AP2B1: variants seen among roughly 807,000 people sequenced by gnomAD.
AP2B1 encodes adaptor related protein complex 2 subunit beta 1, also known as AP-2 complex subunit beta.
In AP2B1, 23 loss-of-function variants were observed where a neutral mutation model predicts 102.0. That is an observed-to-expected ratio of 0.23 (90% CI 0.16 to 0.32). The LOEUF is 0.32. Ranked by LOEUF, AP2B1 falls within the 10% of genes least tolerant of loss-of-function variation. AP2B1 has a pLI of 1.00. For missense variants in AP2B1, 541 were observed against 1,157.4 expected, an observed-to-expected ratio of 0.47 and a Z score of 7.73; for synonymous variants, 381 against 421.2, an observed-to-expected ratio of 0.90 and a Z score of 1.17.
At chr17:35,675,808 A>G (rs749452713) in intron 17 of AP2B1, among the ~76,000 whole-genome samples, 8 of 151,408 alleles carry the variant, frequency 5.3e-5, no homozygotes, top group South Asian at 2.1e-4. Flanking sequence ...TATCTTTTAT[A>G]TACTGTTTTT....
intron 14 of AP2B1, chr17:35,659,786 A>G: frequency 1.0e-6 from 1 of 985,230 alleles, no homozygotes; most frequent in Non-Finnish European, 1.2e-6. Context: ...TTTACAGTGC[A>G]GTTTTCTTCA....
intron 2 of AP2B1, chr17:35,597,132 G>C: frequency 2.0e-6 from 1 of 503,322 alleles, no homozygotes; most frequent in Non-Finnish European, 3.6e-6. Context: ...AGCGGAGACT[G>C]TCCCCACTGT....
chr17:35,702,863 A>T (rs587762934), intron 18 of AP2B1, among the ~76,000 whole-genome samples: 39 of 152,330 alleles, frequency 2.6e-4, no homozygotes, highest in African/African-American at 8.4e-4. Context: ...TATTAAAAAA[A>T]TTTTTGAAAA....
chr17:35,650,132 T>A (rs1473752316), intron 12 of AP2B1, among the ~76,000 whole-genome samples: 1 of 152,108 alleles, frequency 6.6e-6, no homozygotes, highest in African/African-American at 2.4e-5. Flanking sequence ...GTATTTTTAG[T>A]AGAGGTGGGG....
At chr17:35,597,717 G>A (rs1013815242) in intron 2 of AP2B1, among the ~76,000 whole-genome samples, 5 of 152,280 alleles carry the variant, frequency 3.3e-5, no homozygotes, top group African/African-American at 1.2e-4. Context: ...TAATATTAGT[G>A]TGTGGCCAGG....
At chr17:35,707,540 C>T (rs2076369202) in intron 18 of AP2B1, among the ~76,000 whole-genome samples, 1 of 151,340 alleles carries the variant, frequency 6.6e-6, no homozygotes, top group African/African-American at 2.4e-5. Context: ...GCAGCCTCCA[C>T]CTCCCAAGTT....
intron 16 of AP2B1, among the ~76,000 whole-genome samples, chr17:35,672,742 A>G (rs1265979951): frequency 1.3e-5 from 2 of 152,254 alleles, no homozygotes; most frequent in Non-Finnish European, 2.9e-5. Flanking sequence ...TATTATCTTC[A>G]GACTTTTAAT....
Position 35,724,902 on chromosome 17 carries a change from G to A in AP2B1, c.*1203G>A, listed in dbSNP as rs1440052542. Reference sequence around the variant, plus strand: ...CAGCTGAATATCTTTTGAATTACTCGAAGGTAAAGCCAGATGCCAGAATGA... The same window carrying A: ...CAGCTGAATATCTTTTGAATTACTCAAAGGTAAAGCCAGATGCCAGAATGA... On this transcript the variant is annotated 3_prime_UTR_variant, in exon 22 of 22. Coordinates refer to ENST00000610402, the MANE Select transcript of AP2B1 (RefSeq NM_001030006.2). 7.9e-5 allele frequency: 12 copies of A among 152,126 alleles called. No homozygotes were observed. The highest frequency in any genetic ancestry group is 7.9e-4 in the Admixed American group (12 of 15,268). 9.4% of individuals were successfully genotyped at this position (152,126 alleles called of 1,614,324 possible). A position where few individuals can be genotyped will look rare whatever the true frequency, so the allele number is the denominator to read the frequency against.
At chr17:35,588,896 C>G (rs2072992506) in intron 1 of AP2B1, among the ~76,000 whole-genome samples, 1 of 152,174 alleles carries the variant, frequency 6.6e-6, no homozygotes, top group African/African-American at 2.4e-5. Flanking sequence ...TTCTTTCATT[C>G]TTTCTTTCCT....
rs78913746 is a variant in AP2B1, at chr17:35,699,398, A to T, written c.2455-9826A>T. On this transcript the variant is annotated intron_variant, in intron 18 of 21. Transcript: ENST00000610402. Reference sequence around the variant, plus strand: ...ACTGTTCACATACTCTTAACGAACAATGTCCTAATGTCTCCTGAGAATAAA... The same window carrying T: ...ACTGTTCACATACTCTTAACGAACATTGTCCTAATGTCTCCTGAGAATAAA... Among the ~76,000 whole-genome samples, 15 of 152,338 alleles carry T rather than the reference A, an allele frequency of 9.8e-5. No individual in the cohort carries two copies. The East Asian group carries it at 2.9e-3, about 29-fold the overall frequency.
intron 5 of AP2B1, among the ~76,000 whole-genome samples, chr17:35,616,567 T>C (rs1184259435): frequency 6.6e-6 from 1 of 152,240 alleles, no homozygotes; most frequent in Admixed American, 6.5e-5. Flanking sequence ...TTTCACCTAA[T>C]GTTAACATCT....
chr17:35,614,946 G>C (rs540389964), intron 5 of AP2B1, among the ~76,000 whole-genome samples: 196 of 152,268 alleles, frequency 1.3e-3, no homozygotes, highest in Non-Finnish European at 2.4e-3. Context: ...CTCTCCAGAG[G>C]ACATTTGGCA....
rs993914036 is a variant in AP2B1, at chr17:35,671,022, A to G, written c.2031+124A>G. The G allele has an allele frequency of 4.3e-5, 41 of 945,128 alleles. No individual in the cohort carries two copies. In the African/African-American group the frequency reaches 5.9e-4, roughly 14 times the overall value. 58.5% of individuals were successfully genotyped at this position (945,128 alleles called of 1,614,324 possible). A position where few individuals can be genotyped will look rare whatever the true frequency, so the allele number is the denominator to read the frequency against. On this transcript the variant is annotated intron_variant, in intron 15 of 21. Transcript: ENST00000610402. ...CACTGCACACCAAAACCTCTATAAC[A>G]GTATATGGGTAGTAGAAAGTAGTAT...
chr17:35,690,766 C>G (rs990475295), intron 18 of AP2B1, among the ~76,000 whole-genome samples: 3 of 152,104 alleles, frequency 2.0e-5, no homozygotes, highest in Admixed American at 6.6e-5. Context: ...TTGTTAGTAT[C>G]TCTATGAATT....
At chr17:35,626,098 C>T (rs1037255506) in intron 6 of AP2B1, among the ~76,000 whole-genome samples, 1 of 151,962 alleles carries the variant, frequency 6.6e-6, no homozygotes, top group Non-Finnish European at 1.5e-5. Flanking sequence ...CAGAGAGTCC[C>T]TTATTCTCAT....
At chr17:35,600,063 A>G (rs2073425614) in intron 3 of AP2B1, among the ~76,000 whole-genome samples, 1 of 152,072 alleles carries the variant, frequency 6.6e-6, no homozygotes, top group Non-Finnish European at 1.5e-5. Context: ...GAAAACAACC[A>G]TTTGTCTAGT....
At chr17:35,613,446 C>T (rs1319039905) in intron 5 of AP2B1, among the ~76,000 whole-genome samples, 1 of 151,906 alleles carries the variant, frequency 6.6e-6, no homozygotes, top group African/African-American at 2.4e-5. Flanking sequence ...TCTTACTTTC[C>T]TGCAGTTGTT....
intron 12 of AP2B1, among the ~76,000 whole-genome samples, chr17:35,646,283 G>C (rs769445681): frequency 2.0e-5 from 3 of 152,056 alleles, no homozygotes; most frequent in Admixed American, 6.6e-5. Flanking sequence ...TATTTATCTC[G>C]GTCTTGACGG....
intron 12 of AP2B1, among the ~76,000 whole-genome samples, chr17:35,648,524 GCATACATA>G (rs71366470): frequency 0.8 from 119,436 of 149,966 alleles, 47,891 homozygotes; most frequent in African/African-American, 0.88. Context: ...CAAAATACAT[GCATACATA>G]CATACATACA....
Sources: allele counts gnomAD v4.1 joint callset (sites outside exome capture counted in the v4.1 genomes callset), GRCh38; gene constraint gnomAD v4.1.1; transcripts MANE v1.5; gene names NCBI Gene and HGNC (gene_info 2026-07-23, HGNC 2026-07-21).